CLNK: variants seen among roughly 807,000 people sequenced by gnomAD.
CLNK encodes the protein cytokine-dependent hematopoietic cell linker.
CLNK carries 74 observed loss-of-function variants against 68.6 expected under a neutral mutation model. The observed-to-expected ratio is 1.08, with a 90% confidence interval of 0.89 to 1.31. The LOEUF is 1.31. Ranked by LOEUF, CLNK falls within the 50% of genes most tolerant of loss-of-function variation. The pLI is 0.00. For synonymous variants in CLNK, 198 were observed against 172.2 expected, an observed-to-expected ratio of 1.15 and a Z score of -1.17; for missense variants, 553 against 515.3, an observed-to-expected ratio of 1.07 and a Z score of -0.71.
At chr4:10,575,143 T>C (rs1641504647) in intron 4 of CLNK, among the ~76,000 whole-genome samples, 2 of 152,354 alleles carry the variant, frequency 1.3e-5, no homozygotes, top group Middle Eastern at 3.4e-3. Context: ...GTCTCTCCCG[T>C]ACTGCACTCA....
chr4:10,548,652 AT>A (rs1262474186), intron 8 of CLNK, among the ~76,000 whole-genome samples: 1 of 152,100 alleles, frequency 6.6e-6, no homozygotes, highest in African/African-American at 2.4e-5. Context: ...CCCCAAGTTG[AT>A]TTAATCCACC....
At chr4:10,493,984 A>T (rs180771406) in intron 18 of CLNK, among the ~76,000 whole-genome samples, 64 of 152,366 alleles carry the variant, frequency 4.2e-4, no homozygotes, top group Non-Finnish European at 9.0e-4. Context: ...TGCTCAGCAC[A>T]TGCCAGGCCT....
At chr4:10,625,814 C>A (rs1288495940) in intron 2 of CLNK, among the ~76,000 whole-genome samples, 1 of 152,156 alleles carries the variant, frequency 6.6e-6, no homozygotes, top group African/African-American at 2.4e-5. Flanking sequence ...GAAACTGGTT[C>A]TGTTACCAAT....
chr4:10,699,811 G>A, the CLNK span, among the ~76,000 whole-genome samples: 4 of 151,898 alleles, frequency 2.6e-5, no homozygotes, highest in Middle Eastern at 3.4e-3. Flanking sequence ...ACGGCACCCC[G>A]CCACTCCATA....
chr4:10,598,566 G>A, intron 2 of CLNK: 1 of 308,956 alleles, frequency 3.2e-6, no homozygotes, highest in East Asian at 1.1e-4. Flanking sequence ...TTTAGCAACA[G>A]CCACTCTGAT....
At chr4:10,549,106 G>A (rs1719346765) in intron 8 of CLNK, among the ~76,000 whole-genome samples, 1 of 152,122 alleles carries the variant, frequency 6.6e-6, no homozygotes, top group South Asian at 2.1e-4. Context: ...TCCCTTTTAA[G>A]ATTTTTGTGT....
intron 2 of CLNK, among the ~76,000 whole-genome samples, chr4:10,644,218 A>T (rs1429844388): frequency 1.3e-5 from 2 of 152,214 alleles, no homozygotes; most frequent in African/African-American, 4.8e-5. Context: ...CCAAATCTTC[A>T]GGCACAAGCT....
chr4:10,520,813 G>C lies in CLNK; in HGVS notation c.750C>G (p.Ser250Arg). ...LAISSSSFTT[S>R]NHSVQNRDHR... ...TACCTCTGTTTTGCACACTGTGGTT[G>C]CTTGTCGTGAATGAAGAACTATAAG... The change falls in exon 15 of 19, where the codon AGC becomes AGG. Residue 250 changes from serine (S) to arginine (R), a missense_variant. Transcript: ENST00000226951. 1 of 1,606,636 alleles carries C rather than the reference G, an allele frequency of 6.2e-7. No individual in the cohort carries two copies.
At chr4:10,563,034 A>G (rs1308667549) in intron 7 of CLNK, among the ~76,000 whole-genome samples, 2 of 152,192 alleles carry the variant, frequency 1.3e-5, no homozygotes, top group African/African-American at 4.8e-5. Flanking sequence ...GTGCCCGTGT[A>G]AAAAGGAAGT....
At chr4:10,730,357 G>A in the CLNK span, among the ~76,000 whole-genome samples, 1 of 152,088 alleles carries the variant, frequency 6.6e-6, no homozygotes, top group East Asian at 1.9e-4. Context: ...TTCAATGTTG[G>A]TCTATTGTCA....
intron 8 of CLNK, among the ~76,000 whole-genome samples, chr4:10,554,882 C>T (rs1353343965): frequency 6.6e-6 from 1 of 152,096 alleles, no homozygotes; most frequent in Non-Finnish European, 1.5e-5. Context: ...ATGGGATGTT[C>T]GTTACGAAAT....
intron 2 of CLNK, among the ~76,000 whole-genome samples, chr4:10,613,587 T>A (rs1393903882): frequency 2.0e-5 from 3 of 152,010 alleles, no homozygotes; most frequent in African/African-American, 7.3e-5. Context: ...AACACAAAGA[T>A]AACAATTATG....
chr4:10,722,821 G>T, the CLNK span, among the ~76,000 whole-genome samples: 1 of 152,124 alleles, frequency 6.6e-6, no homozygotes, highest in Non-Finnish European at 1.5e-5. Context: ...AGGCCGAGGC[G>T]GGTGGATCAC....
chr4:10,699,268 C>CACACATACACACCATGTATGTGTGTAT, the CLNK span, among the ~76,000 whole-genome samples: 34 of 32,382 alleles, frequency 1.0e-3, 1 homozygote, highest in East Asian at 0.016. Flanking sequence ...TGTGTATACA[C>CACACATACACACCATGTATGTGTGTAT]ACACACACAC....
chr4:10,577,501 A>G (rs1452036817), intron 4 of CLNK, among the ~76,000 whole-genome samples: 1 of 152,228 alleles, frequency 6.6e-6, no homozygotes, highest in East Asian at 1.9e-4. Flanking sequence ...GTAGCTATGC[A>G]TGGCCATAAG....
chr4:10,682,035 C>A (rs1431300530), intron 1 of CLNK, among the ~76,000 whole-genome samples: 1 of 151,972 alleles, frequency 6.6e-6, no homozygotes. Context: ...AATAATGATT[C>A]CCAAATATTC....
At chr4:10,716,702 T>TTTTTTTTA in the CLNK span, among the ~76,000 whole-genome samples, 141 of 147,038 alleles carry the variant, frequency 9.6e-4, no homozygotes, top group Middle Eastern at 3.5e-3. Context: ...TTTTTTTTTT[T>TTTTTTTTA]AATTTTTGGA....
intron 16 of CLNK, 21 bp downstream of exon 16, chr4:10,513,443 G>C: frequency 6.2e-7 from 1 of 1,604,284 alleles, no homozygotes; most frequent in Non-Finnish European, 8.5e-7. Context: ...AGAAGGACTT[G>C]GCAGAGAAGT....
intron 8 of CLNK, among the ~76,000 whole-genome samples, chr4:10,556,672 T>A (rs1162710123): frequency 2.0e-5 from 3 of 152,220 alleles, no homozygotes; most frequent in African/African-American, 7.2e-5. Flanking sequence ...AACAGATGAT[T>A]GTGGTCTGGT....
Sources: gnomAD v4.1 joint callset for allele counts (sites outside exome capture counted in the v4.1 genomes callset) on GRCh38, gnomAD v4.1.1 for gene constraint, MANE v1.5 for transcripts, NCBI Gene and HGNC (gene_info 2026-07-23, HGNC 2026-07-21) for gene names.